EXT1: variants seen among roughly 807,000 people sequenced by gnomAD.
The protein encoded by EXT1 is exostosin glycosyltransferase 1, also known as exostosin-1.
EXT1 carries 20 observed loss-of-function variants against 82.5 expected under a neutral mutation model. The observed-to-expected ratio is 0.24, with a 90% CI of 0.17 to 0.35. The LOEUF (loss-of-function observed/expected upper bound fraction) is 0.35, where lower values mean the gene tolerates loss of function less well. Ranked by LOEUF, EXT1 falls within the 10% of genes least tolerant of loss-of-function variation. The pLI, the probability that EXT1 is intolerant of heterozygous loss-of-function variation, is 1.00. For missense variants in EXT1, 757 were observed against 936.5 expected, an observed-to-expected ratio of 0.81 and a Z score of 2.50; for synonymous variants, 348 against 350.8, an observed-to-expected ratio of 0.99 and a Z score of 0.09.
chr8:118,073,893 G>A (rs1339266294), intron 1 of EXT1, among the ~76,000 whole-genome samples: 6 of 152,044 alleles, frequency 3.9e-5, no homozygotes, highest in African/African-American at 9.7e-5. Flanking sequence ...TCTTTCCAAC[G>A]GTCCCTTGGG....
chr8:117,943,228 C>T (rs1171929989), intron 1 of EXT1, among the ~76,000 whole-genome samples: 1 of 151,992 alleles, frequency 6.6e-6, no homozygotes, highest in Non-Finnish European at 1.5e-5. Flanking sequence ...CTGATAATGG[C>T]AAGAGTAGGG....
In EXT1 at chr8:117,894,401, C is replaced by T. The variant is rs374748197; in HGVS notation, c.963-57200G>A. 2.6e-5 allele frequency among the ~76,000 whole-genome samples: 4 copies of T among 152,184 alleles called. No homozygotes were observed. In the East Asian group the frequency reaches 5.8e-4, roughly 22 times the overall value. On this transcript the variant is annotated intron_variant, in intron 1 of 10. Transcript: ENST00000378204. ...GGTCCTGTTGGTGTTGTGTATGAGG[C>T]TGGTGTTTGGGCAGCAAGGGAGTTG...
intron 8 of EXT1, among the ~76,000 whole-genome samples, chr8:117,809,406 G>C (rs996597706): frequency 7.9e-5 from 12 of 151,534 alleles, no homozygotes; most frequent in Non-Finnish European, 1.5e-4. Flanking sequence ...GGAGGCTGAG[G>C]TGGGCGGATC....
intron 1 of EXT1, among the ~76,000 whole-genome samples, chr8:117,943,303 A>G (rs1306643236): frequency 1.3e-5 from 2 of 152,222 alleles, no homozygotes; most frequent in African/African-American, 4.8e-5. Context: ...GTGGAAGGCA[A>G]TTTGACAATT....
chr8:117,855,066 A>G (rs1046878390), intron 1 of EXT1, among the ~76,000 whole-genome samples: 1 of 152,222 alleles, frequency 6.6e-6, no homozygotes, highest in African/African-American at 2.4e-5. Flanking sequence ...GCTTGTTTAT[A>G]GGTTTTCTGA....
Position 117,946,192 on chromosome 8 carries a change from C to T in EXT1, c.963-108991G>A, listed in dbSNP as rs540101507. Among the ~76,000 whole-genome samples the T allele has an allele frequency of 5.8e-4, 88 of 152,310 alleles. 1 individual carries two copies. Among genetic ancestry groups the T allele is most frequent in the African/African-American group, 2.0e-3 (85 of 41,570 alleles). ...GGGATTACAGGTGTGAGCTACCGCG[C>T]CTGGCCTAGATTACTGTATTATGGA... On this transcript the variant is annotated intron_variant, in intron 1 of 10. Coordinates refer to ENST00000378204, the MANE Select transcript of EXT1 (RefSeq NM_000127.3).
chr8:117,892,486 G>A (rs1364975058), intron 1 of EXT1, among the ~76,000 whole-genome samples: 1 of 152,186 alleles, frequency 6.6e-6, no homozygotes, highest in African/African-American at 2.4e-5. Context: ...GAAGAAGAGG[G>A]TTGGGAGGTC....
At chr8:117,963,312 C>T (rs1814739730) in intron 1 of EXT1, among the ~76,000 whole-genome samples, 1 of 152,136 alleles carries the variant, frequency 6.6e-6, no homozygotes, top group African/African-American at 2.4e-5. Context: ...GCCACTGGAC[C>T]ATTTCTGTAC....
Position 117,837,335 on chromosome 8 carries a change from T to A in EXT1, c.963-134A>T. ...AAGCCACCAGCAGGCAGCTCTCACTTTTCCATTTTGAGGAAGGAGGTTGGG... is the reference window on the plus strand; with the variant it reads ...AAGCCACCAGCAGGCAGCTCTCACTATTCCATTTTGAGGAAGGAGGTTGGG... On this transcript the variant is annotated intron_variant, in intron 1 of 10. Transcript: ENST00000378204. 10 of 737,742 alleles carry A rather than the reference T, an allele frequency of 1.4e-5. No homozygotes were observed. The South Asian group carries it at 1.4e-4, about 10-fold the overall frequency. The allele number at this position is 737,742 out of a possible 1,614,324, so 45.7% of individuals were successfully genotyped here. A position where few individuals can be genotyped will look rare whatever the true frequency, so the allele number is the denominator to read the frequency against.
At chr8:118,092,618 C>A (rs1391174814) in intron 1 of EXT1, among the ~76,000 whole-genome samples, 1 of 152,146 alleles carries the variant, frequency 6.6e-6, no homozygotes, top group Non-Finnish European at 1.5e-5. Context: ...TGCCTGGACC[C>A]CTAAAATTAT....
chr8:117,971,636 T>C (rs1003322017), intron 1 of EXT1, among the ~76,000 whole-genome samples: 1 of 152,174 alleles, frequency 6.6e-6, no homozygotes, highest in Non-Finnish European at 1.5e-5. Flanking sequence ...ACAGAAGCCA[T>C]TCAAATTAAT....
intron 1 of EXT1, among the ~76,000 whole-genome samples, chr8:118,102,708 T>C (rs1434315521): frequency 6.6e-6 from 1 of 152,232 alleles, no homozygotes; most frequent in Non-Finnish European, 1.5e-5. Flanking sequence ...TGTGCTAGAA[T>C]AGACTGACTA....
At chr8:117,812,707 C>T (rs900125562) in intron 8 of EXT1, among the ~76,000 whole-genome samples, 165 bp downstream of exon 8, 1 of 152,196 alleles carries the variant, frequency 6.6e-6, no homozygotes, top group Non-Finnish European at 1.5e-5. Context: ...CAGGTGGCAG[C>T]AAGGTGCTAA....
Position 117,794,622 on chromosome 8 carries a change from T to A in EXT1, c.*5090A>T, listed in dbSNP as rs1216234949. 2 of 152,060 alleles carry A rather than the reference T, an allele frequency of 1.3e-5. No individual in the cohort carries two copies. Among genetic ancestry groups the A allele is most frequent in the African/African-American group, 4.8e-5 (2 of 41,400 alleles). The allele number at this position is 152,060 out of a possible 1,614,324, so 9.4% of individuals were successfully genotyped here. On this transcript the variant is annotated 3_prime_UTR_variant, in exon 11 of 11. Coordinates refer to ENST00000378204, the MANE Select transcript of EXT1 (RefSeq NM_000127.3). ...AAACCCAGACATAAAGTTACACAGG[T>A]CAGTGAAGTAAATCAATATCTATGG...
intron 1 of EXT1, among the ~76,000 whole-genome samples, chr8:118,006,437 T>C (rs894646968): frequency 4.6e-5 from 7 of 152,202 alleles, no homozygotes; most frequent in Admixed American, 4.6e-4. Flanking sequence ...GCTCTGCCCT[T>C]TTAGAACGTA....
rs920079240 is a variant in EXT1 at position 118,055,754 on chromosome 8, C to G, written c.962+54331G>C. Among the ~76,000 whole-genome samples the G allele has an allele frequency of 1.1e-4, 16 of 152,260 alleles. No individual in the cohort carries two copies. In the East Asian group the frequency reaches 3.1e-3, roughly 29 times the overall value. On this transcript the variant is annotated intron_variant, in intron 1 of 10. Coordinates refer to ENST00000378204, the MANE Select transcript of EXT1 (RefSeq NM_000127.3). ...AAGATTAAATGATTATTATTATTCTCGCAAAATCTTAATCTCAAACCAGTG... is the reference window on the plus strand; with the variant it reads ...AAGATTAAATGATTATTATTATTCTGGCAAAATCTTAATCTCAAACCAGTG...
intron 1 of EXT1, among the ~76,000 whole-genome samples, chr8:117,970,886 G>A (rs1814926117): frequency 6.6e-6 from 1 of 152,272 alleles, no homozygotes; most frequent in East Asian, 1.9e-4. Flanking sequence ...TGGGTAATCC[G>A]TTTTTCCATC....
At chr8:118,015,981 A>C (rs1047484633) in intron 1 of EXT1, among the ~76,000 whole-genome samples, 1 of 152,230 alleles carries the variant, frequency 6.6e-6, no homozygotes, top group East Asian at 1.9e-4. Flanking sequence ...GGGCTACCAG[A>C]AGCTACCAGA....
At chr8:118,083,097 A>G (rs896332318) in intron 1 of EXT1, among the ~76,000 whole-genome samples, 1 of 152,220 alleles carries the variant, frequency 6.6e-6, no homozygotes, top group Non-Finnish European at 1.5e-5. Flanking sequence ...GGCTTGCGAG[A>G]TGGAGAAACA....
Sources: gnomAD v4.1 joint callset for allele counts (sites outside exome capture counted in the v4.1 genomes callset) on GRCh38, gnomAD v4.1.1 for gene constraint, MANE v1.5 for transcripts, NCBI Gene and HGNC (gene_info 2026-07-23, HGNC 2026-07-21) for gene names.